The following CASS4 variants were observed in gnomAD, a reference collection of about 807,000 sequenced individuals.
CASS4 encodes the protein Cas scaffold protein family member 4.
CASS4 carries 22 observed loss-of-function variants against 54.2 expected under a neutral mutation model. The ratio of observed to expected loss-of-function variants is 0.41; its 90% CI spans 0.29 to 0.58. The LOEUF (loss-of-function observed/expected upper bound fraction) is 0.58, where lower values mean the gene tolerates loss of function less well. CASS4 is among the 20% of genes least tolerant of loss of function. CASS4 has a pLI of 0.36. For missense variants in CASS4, 854 were observed against 986.7 expected (o/e 0.87, Z 1.80); for synonymous variants, 409 against 391.5 (o/e 1.04, Z -0.53).
chr20:56,455,934 GAA>G (rs1491499700), intron 5 of CASS4, among the ~76,000 whole-genome samples: 1 of 151,172 alleles, frequency 6.6e-6, no homozygotes, highest in Non-Finnish European at 1.5e-5. Context: ...TCTGTCTCAA[GAA>G]AACAAACAAA....
Position 56,443,353 on chromosome 20 carries a change from C to T in CASS4, c.460-2547C>T, listed in dbSNP as rs1980550240. Among the ~76,000 whole-genome samples the T allele has an allele frequency of 1.3e-5, 2 of 150,780 alleles. 1 individual carries two copies. The highest frequency in any genetic ancestry group is 4.9e-5 in the African/African-American group (2 of 40,508). On this transcript the variant is annotated intron_variant, in intron 2 of 5. Transcript: ENST00000679887. ...GTGTGGTGGCGGGCACCTGTAATCCCAGCTACTCGGGAGGCTGAGGCAGGA... is the reference window on the plus strand; with the variant it reads ...GTGTGGTGGCGGGCACCTGTAATCCTAGCTACTCGGGAGGCTGAGGCAGGA...
chr20:56,416,964 T>C (rs1418510572), intron 1 of CASS4, among the ~76,000 whole-genome samples: 2 of 152,236 alleles, frequency 1.3e-5, no homozygotes, highest in African/African-American at 2.4e-5. Context: ...CTTTTTTGTC[T>C]CTCTCCCATC....
rs118063704 is a variant in CASS4 at position 56,424,430 on chromosome 20, G to A, written c.36+11936G>A. Among the ~76,000 whole-genome samples the A allele has an allele frequency of 8.5e-3, 1,298 of 152,148 alleles. 12 individuals carry two copies. The highest frequency in any genetic ancestry group is 0.012 in the Non-Finnish European group (798 of 67,970). On this transcript the variant is annotated intron_variant, in intron 1 of 5. Transcript: ENST00000679887. ...ATATGGAAAGCCACTGCAATTCATGGGGGAAAAGAAAAGTTAAGATACAGC... is the reference window on the plus strand; with the variant it reads ...ATATGGAAAGCCACTGCAATTCATGAGGGAAAAGAAAAGTTAAGATACAGC...
chr20:56,414,820 G>A lies in CASS4; in HGVS notation c.36+2326G>A, dbSNP rs1442940421. On this transcript the variant is annotated intron_variant, in intron 1 of 5. Transcript: ENST00000679887. The surrounding 1 kb of genome is among the most constrained non-coding windows in gnomAD (Gnocchi z 4.1). ...AAATTAGCTGGGCATAGTGGTGCAC[G>A]TCTGTATTCCCAGCTACTCGGGAGG... Among the ~76,000 whole-genome samples, 2 of 152,066 alleles carry A rather than the reference G, an allele frequency of 1.3e-5. No individual in the cohort carries two copies. The highest frequency in any genetic ancestry group is 2.9e-5 in the Non-Finnish European group (2 of 68,012).
rs1388473629 is a variant in CASS4, at chr20:56,458,830, C to T, written c.*83C>T. The T allele has an allele frequency of 2.2e-6, 3 of 1,357,010 alleles. No individual in the cohort carries two copies. In the East Asian group the frequency reaches 7.6e-5, roughly 34 times the overall value. 84.1% of individuals were successfully genotyped at this position (1,357,010 alleles called of 1,614,324 possible). A position where few individuals can be genotyped will look rare whatever the true frequency, so the allele number is the denominator to read the frequency against. On this transcript the variant is annotated 3_prime_UTR_variant, in exon 6 of 6. Transcript: ENST00000679887. ...TGCAACTCTGCCCTATGGGAAAAGC[C>T]AGCCGGGGCATACACCAATGAGCTG...
intron 1 of CASS4, among the ~76,000 whole-genome samples, chr20:56,434,914 T>C (rs2146278695): frequency 6.6e-6 from 1 of 152,330 alleles, no homozygotes; most frequent in East Asian, 1.9e-4. Flanking sequence ...CAGTTACCTG[T>C]GGTGGCAGCA....
intron 2 of CASS4, among the ~76,000 whole-genome samples, chr20:56,444,441 T>TGCTTACC (rs1980611052): frequency 6.6e-6 from 1 of 152,218 alleles, no homozygotes; most frequent in South Asian, 2.1e-4. Context: ...GGCCCTGTCT[T>TGCTTACC]GCTTACCAGC....
At position 56,452,694 on chromosome 20, in the gene CASS4, C is replaced by T. The variant is rs138464146; in HGVS notation, c.1518C>T (p.Asn506=). 6.2e-7 allele frequency: 1 copy of T among 1,614,190 alleles called. No individual in the cohort carries two copies. The part of the protein sequence containing the change: ...FARGVHGTAC[N]LTDSNLQNRI... ...GAGGAGTCCATGGGACTGCCTGTAA[C>T]CTCACTGACAGTAACCTTCAGAACA... The change falls in exon 5 of 6, where the codon AAC becomes AAT. Residue 506 remains asparagine (N), a synonymous_variant. Coordinates refer to ENST00000679887, the MANE Select transcript of CASS4 (RefSeq NM_020356.4).
chr20:56,449,683 TAAAA>T (rs1330888796), intron 3 of CASS4, among the ~76,000 whole-genome samples: 2 of 151,572 alleles, frequency 1.3e-5, no homozygotes, highest in Admixed American at 6.6e-5. Context: ...TAAAATAAAA[TAAAA>T]AAGATTTTTA....
chr20:56,452,442 C>T lies in CASS4; in HGVS notation c.1266C>T (p.Ser422=), dbSNP rs768716950. 6.8e-6 allele frequency: 11 copies of T among 1,613,900 alleles called. No individual in the cohort carries two copies. The highest frequency in any genetic ancestry group is 1.7e-5 in the Admixed American group (1 of 59,990). Residue 422 remains serine, a synonymous_variant, in exon 5 of 6, where the codon TCC becomes TCT. Transcript: ENST00000679887. The part of the protein sequence containing the change: ...SCSTTSTDDS[S]SSSSEESAKE... ...CCACCACATCCACCGACGACTCCTC[C>T]AGCTCTTCCTCGGAGGAGTCAGCAA...
At chr20:56,434,853 C>A (rs1266861780) in intron 1 of CASS4, among the ~76,000 whole-genome samples, 1 of 152,070 alleles carries the variant, frequency 6.6e-6, no homozygotes, top group African/African-American at 2.4e-5. Context: ...TGTATGTGAA[C>A]AACTATGCAA....
intron 1 of CASS4, among the ~76,000 whole-genome samples, chr20:56,425,787 A>G (rs900884640): frequency 2.6e-5 from 4 of 152,226 alleles, no homozygotes; most frequent in Non-Finnish European, 5.9e-5. Flanking sequence ...ACATGGACTC[A>G]AAGTGTTTTT....
At chr20:56,431,979 C>G (rs1461246346) in intron 1 of CASS4, among the ~76,000 whole-genome samples, 1 of 152,102 alleles carries the variant, frequency 6.6e-6, no homozygotes, top group Non-Finnish European at 1.5e-5. Flanking sequence ...GACTCTCATG[C>G]AAATATAAAA....
rs556500552 is a variant in CASS4, at chr20:56,451,684, C to A, written c.643-135C>A. The stretch of plus-strand genomic sequence containing the variant: ...CGAAAGAAATGAGGCTCAAAAGAAT[C>A]CTGAAGGACCTTGAGTGGTAACAGA... On this transcript the variant is annotated intron_variant, in intron 4 of 5. Transcript: ENST00000679887. The A allele has an allele frequency of 1.6e-5, 11 of 671,016 alleles. No individual in the cohort carries two copies. The Admixed American group carries it at 3.2e-4, about 20-fold the overall frequency. 41.6% of individuals were successfully genotyped at this position (671,016 alleles called of 1,614,324 possible).
intron 2 of CASS4, among the ~76,000 whole-genome samples, chr20:56,442,371 G>C (rs190712824): frequency 6.6e-6 from 1 of 151,872 alleles, no homozygotes; most frequent in African/African-American, 2.4e-5. Context: ...CAGCCACACA[G>C]CTGATGAAGT....
chr20:56,446,980 G>A lies in CASS4; in HGVS notation c.561+979G>A, dbSNP rs141955948. Reference sequence around the variant, plus strand: ...CCCAGCATTTTGGGAGGCCAAGGCAGGAGGATCACTTGACACTAGGAGTTC... The same window carrying A: ...CCCAGCATTTTGGGAGGCCAAGGCAAGAGGATCACTTGACACTAGGAGTTC... On this transcript the variant is annotated intron_variant, in intron 3 of 5. Coordinates refer to ENST00000679887, the MANE Select transcript of CASS4 (RefSeq NM_020356.4). Among the ~76,000 whole-genome samples the A allele has an allele frequency of 3.7e-3, 560 of 152,272 alleles. 4 individuals carry two copies. Among genetic ancestry groups the A allele is most frequent in the South Asian group, 0.022 (108 of 4,818 alleles).
intron 4 of CASS4, among the ~76,000 whole-genome samples, chr20:56,450,891 G>A (rs1359408189): frequency 6.6e-6 from 1 of 151,932 alleles, no homozygotes; most frequent in Non-Finnish European, 1.5e-5. Flanking sequence ...AATATTGGCT[G>A]GGTGTGGTAG....
At chr20:56,431,492 G>C (rs1399846857) in intron 1 of CASS4, among the ~76,000 whole-genome samples, 1 of 152,198 alleles carries the variant, frequency 6.6e-6, no homozygotes. Context: ...CATATTTAGA[G>C]TTTTCCTTTG....
chr20:56,452,176 A>C lies in CASS4; in HGVS notation c.1000A>C (p.Ser334Arg). The C allele has an allele frequency of 6.2e-7, 1 of 1,614,208 alleles. No homozygotes were observed. The highest frequency in any genetic ancestry group is 8.5e-7 in the Non-Finnish European group (1 of 1,180,040). ...DEDVSYKVPS[S>R]FLIPRVEQQN... ...AGATGTCAGCTACAAGGTTCCTTCAAGCTTTCTGATTCCCCGAGTGGAACA... is the reference window on the plus strand; with the variant it reads ...AGATGTCAGCTACAAGGTTCCTTCACGCTTTCTGATTCCCCGAGTGGAACA... The change falls in exon 5 of 6, where the codon AGC (serine) becomes CGC (arginine). Residue 334 changes from serine to arginine, a missense_variant. Ser to Arg is a moderately radical substitution (Grantham distance 110, BLOSUM62 -1). Transcript: ENST00000679887.
Sources: allele counts gnomAD v4.1 joint callset (sites outside exome capture counted in the v4.1 genomes callset), GRCh38; gene constraint gnomAD v4.1.1; non-coding constraint Gnocchi (gnomAD v3.1); transcripts MANE v1.5; gene names NCBI Gene and HGNC (gene_info 2026-07-23, HGNC 2026-07-21).